The following ASIC2 variants were observed in gnomAD, a reference collection of about 807,000 sequenced individuals.
The protein encoded by ASIC2 is acid-sensing ion channel 2.
In ASIC2, 25 loss-of-function variants were observed where a neutral mutation model predicts 57.3. That is an observed-to-expected ratio of 0.44 (90% CI 0.32 to 0.61). The LOEUF (loss-of-function observed/expected upper bound fraction) is 0.61, where lower values mean the gene tolerates loss of function less well. Among genes scored for constraint, ASIC2 ranks in the 20% least tolerant of loss-of-function variants. ASIC2 has a pLI of 0.06. For synonymous variants in ASIC2, 319 were observed against 307.5 expected (o/e 1.04, Z -0.39); for missense variants, 641 against 738.1 (o/e 0.87, Z 1.52).
chr17:33,438,565 A>G (rs1451171961), intron 1 of ASIC2, among the ~76,000 whole-genome samples: 1 of 150,974 alleles, frequency 6.6e-6, no homozygotes, highest in East Asian at 2.0e-4. Context: ...TGAGCTACCC[A>G]TTTGTCTCGG....
At chr17:34,055,322 A>G (rs1478081396) in intron 1 of ASIC2, among the ~76,000 whole-genome samples, 1 of 152,230 alleles carries the variant, frequency 6.6e-6, no homozygotes, top group African/African-American at 2.4e-5. Context: ...CATCACCCAG[A>G]TTCAACAAAT....
At chr17:33,474,884 C>A (rs185159246) in intron 1 of ASIC2, among the ~76,000 whole-genome samples, 1 of 152,248 alleles carries the variant, frequency 6.6e-6, no homozygotes, top group Non-Finnish European at 1.5e-5. Flanking sequence ...GGAGCCCTAG[C>A]CGGAAGTGAG....
intron 1 of ASIC2, among the ~76,000 whole-genome samples, chr17:33,691,461 T>A (rs562931335): frequency 1.3e-5 from 2 of 152,350 alleles, no homozygotes; most frequent in African/African-American, 4.8e-5. Context: ...CATTTCTATT[T>A]CTCTTCTGAT....
intron 1 of ASIC2, among the ~76,000 whole-genome samples, chr17:33,964,374 G>C (rs1791727065): frequency 6.6e-6 from 1 of 152,218 alleles, no homozygotes. Flanking sequence ...GATGGAATCA[G>C]ACACTAGACC....
chr17:33,911,122 C>T (rs1342521784), intron 1 of ASIC2, among the ~76,000 whole-genome samples: 2 of 152,222 alleles, frequency 1.3e-5, no homozygotes, highest in Non-Finnish European at 2.9e-5. Flanking sequence ...AGTCTTCACA[C>T]TGCAAAAAGC....
chr17:33,972,186 C>T (rs1905244617), intron 1 of ASIC2, among the ~76,000 whole-genome samples: 1 of 152,176 alleles, frequency 6.6e-6, no homozygotes, highest in South Asian at 2.1e-4. Flanking sequence ...ACTTACCAAA[C>T]ATGTCACATG....
At chr17:33,151,581 G>A (rs1353647691) in intron 1 of ASIC2, among the ~76,000 whole-genome samples, 1 of 152,056 alleles carries the variant, frequency 6.6e-6, no homozygotes, top group African/African-American at 2.4e-5. Flanking sequence ...ACTTTTAAGG[G>A]GTGTTTAGGT....
chr17:34,108,007 T>C (rs1273276695), intron 1 of ASIC2, among the ~76,000 whole-genome samples: 1 of 152,224 alleles, frequency 6.6e-6, no homozygotes, highest in Admixed American at 6.5e-5. Flanking sequence ...CTTATGTTCT[T>C]TATGTAATGA....
chr17:33,693,246 G>T (rs1032618805), intron 1 of ASIC2, among the ~76,000 whole-genome samples: 2 of 137,404 alleles, frequency 1.5e-5, no homozygotes, highest in South Asian at 4.1e-4. Flanking sequence ...AGCTCATCTT[G>T]TTTTGTTTCA....
At chr17:33,533,813 A>C (rs1024626446) in intron 1 of ASIC2, 10 of 152,134 alleles carry the variant, frequency 6.6e-5, no homozygotes, top group African/African-American at 2.4e-4. Flanking sequence ...AATATTCTAA[A>C]CCCACTTGTC....
intron 1 of ASIC2, among the ~76,000 whole-genome samples, chr17:33,766,776 T>TA (rs980077190): frequency 6.6e-6 from 1 of 152,082 alleles, no homozygotes; most frequent in Non-Finnish European, 1.5e-5. Flanking sequence ...GTGAAAAGGG[T>TA]AAAAAAAGAA....
At chr17:33,134,441 G>T (rs2092359779) in intron 1 of ASIC2, among the ~76,000 whole-genome samples, 1 of 152,180 alleles carries the variant, frequency 6.6e-6, no homozygotes, top group Admixed American at 6.5e-5. Context: ...ATGCCAGATG[G>T]GAGGCAAAAC....
intron 1 of ASIC2, among the ~76,000 whole-genome samples, chr17:33,457,613 G>A (rs1327785002): frequency 6.6e-6 from 1 of 152,196 alleles, no homozygotes; most frequent in Non-Finnish European, 1.5e-5. Context: ...AGTAGTATTA[G>A]TATACACTAA....
At chr17:33,471,900 G>A (rs1452604616) in intron 1 of ASIC2, among the ~76,000 whole-genome samples, 2 of 152,086 alleles carry the variant, frequency 1.3e-5, no homozygotes, top group Non-Finnish European at 2.9e-5. Flanking sequence ...ACAGGTGTAT[G>A]AAGTGATAGT....
At chr17:33,395,431 C>T (rs1008944801) in intron 1 of ASIC2, among the ~76,000 whole-genome samples, 1 of 152,138 alleles carries the variant, frequency 6.6e-6, no homozygotes, top group African/African-American at 2.4e-5. Flanking sequence ...CAGGAAAACT[C>T]CCCCTTATAA....
At position 33,629,037 on chromosome 17, in the gene ASIC2, C is replaced by T. The variant is rs114954837; in HGVS notation, c.556-516970G>A. Among the ~76,000 whole-genome samples, 1,402 of 152,268 alleles carry T rather than the reference C, an allele frequency of 9.2e-3. 10 individuals are homozygous for T. Among genetic ancestry groups the T allele is most frequent in the Middle Eastern group, 0.058 (17 of 294 alleles). On this transcript the variant is annotated intron_variant, in intron 1 of 9. Transcript: ENST00000359872. ...GGGTGAGGGCTGACCTCCGAGGAGT[C>T]ACAGCTGCCTTCATCCAGACCCTCT... is the stretch of plus-strand genomic sequence containing the variant.
At chr17:33,103,252 A>G (rs529161365) in intron 2 of ASIC2, among the ~76,000 whole-genome samples, 2 of 152,302 alleles carry the variant, frequency 1.3e-5, no homozygotes, top group East Asian at 3.9e-4. Flanking sequence ...CAAAAGGCGT[A>G]TATGGTGTCT....
At chr17:33,359,540 G>A (rs1908517763) in intron 1 of ASIC2, among the ~76,000 whole-genome samples, 2 of 152,158 alleles carry the variant, frequency 1.3e-5, no homozygotes. Flanking sequence ...AATCAGACAA[G>A]CAGTGAGGCC....
At chr17:33,516,068 G>T (rs147092519) in intron 1 of ASIC2, among the ~76,000 whole-genome samples, 1 of 151,998 alleles carries the variant, frequency 6.6e-6, no homozygotes, top group East Asian at 1.9e-4. Context: ...TCCTGACACT[G>T]CACTCCAGCC....
Sources: gnomAD v4.1 joint callset for allele counts (sites outside exome capture counted in the v4.1 genomes callset) on GRCh38, gnomAD v4.1.1 for gene constraint, MANE v1.5 for transcripts, NCBI Gene and HGNC (gene_info 2026-07-23, HGNC 2026-07-21) for gene names.